GFOD1: variants seen among roughly 807,000 people sequenced by gnomAD.
The protein encoded by GFOD1 is Gfo/Idh/MocA-like oxidoreductase domain containing 1.
A neutral mutation model predicts 25.4 loss-of-function variants in GFOD1; 9 were observed. The ratio of observed to expected loss-of-function variants is 0.35; its 90% confidence interval spans 0.21 to 0.62. The LOEUF (loss-of-function observed/expected upper bound fraction) is 0.62. Among genes scored for constraint, GFOD1 ranks in the 20% least tolerant of loss-of-function variants. GFOD1 has a pLI of 0.72. For missense variants in GFOD1, 403 were observed against 556.9 expected (o/e 0.72, Z 2.78); for synonymous variants, 253 against 245.6 (o/e 1.03, Z -0.28).
At chr6:13,382,659 A>T (rs527987527) in intron 1 of GFOD1, among the ~76,000 whole-genome samples, 28 of 152,100 alleles carry the variant, frequency 1.8e-4, no homozygotes, top group African/African-American at 5.1e-4. Flanking sequence ...ACAGACTTTT[A>T]AAAAAAAATT....
At position 13,365,878 on chromosome 6, in the gene GFOD1, C is replaced by CAATAATAATAATAATAAT. The variant is rs58256557; in HGVS notation, c.254-234_254-217dup. Among the ~76,000 whole-genome samples, 1 of 133,912 alleles carries CAATAATAATAATAATAAT rather than the reference C, an allele frequency of 7.5e-6. No homozygotes were observed. The highest frequency in any genetic ancestry group is 1.6e-5 in the Non-Finnish European group (1 of 63,400). 87.9% of individuals were successfully genotyped at this position (133,912 alleles called of 152,430 possible). A position where few individuals can be genotyped will look rare whatever the true frequency, so the allele number is the denominator to read the frequency against. The stretch of plus-strand genomic sequence containing the variant: ...TGGGTAACACAGAGAGATCCTGTCT[C>CAATAATAATAATAATAAT]AATAATAATAATAATAATAATAATA... On this transcript the variant is annotated intron_variant, in intron 1 of 1. Transcript: ENST00000379287. The surrounding 1 kb of genome is among the most constrained non-coding windows in gnomAD (Gnocchi z 9.2).
intron 1 of GFOD1, among the ~76,000 whole-genome samples, chr6:13,401,676 G>T (rs1049328395): frequency 5.3e-5 from 8 of 152,062 alleles, no homozygotes; most frequent in Non-Finnish European, 1.0e-4. Context: ...AATCAAAGAA[G>T]ATCTTAATCA....
At chr6:13,426,232 T>A (rs1344456918) in intron 1 of GFOD1, among the ~76,000 whole-genome samples, 5 of 152,148 alleles carry the variant, frequency 3.3e-5, no homozygotes, top group East Asian at 1.9e-4. Context: ...TAGGAGGGAG[T>A]TCTGGGCCAA....
intron 1 of GFOD1, among the ~76,000 whole-genome samples, chr6:13,481,919 A>G (rs189968828): frequency 7.6e-4 from 116 of 152,332 alleles, no homozygotes; most frequent in African/African-American, 2.5e-3. Flanking sequence ...TATTCATTAC[A>G]TGGTTGTATA....
chr6:13,396,531 G>A (rs1232978663), intron 1 of GFOD1, among the ~76,000 whole-genome samples: 1 of 152,210 alleles, frequency 6.6e-6, no homozygotes, highest in African/African-American at 2.4e-5. Flanking sequence ...CCGATCCCCA[G>A]AGCCTGTGAA....
intron 1 of GFOD1, among the ~76,000 whole-genome samples, chr6:13,413,994 G>A (rs12528480): frequency 0.052 from 7,866 of 152,314 alleles, 227 homozygotes; most frequent in South Asian, 0.11. Context: ...TTCTACAGAT[G>A]ATGCTTTCCA....
chr6:13,456,775 G>A (rs1758197451), intron 1 of GFOD1, among the ~76,000 whole-genome samples: 1 of 152,176 alleles, frequency 6.6e-6, no homozygotes, highest in South Asian at 2.1e-4. Context: ...GATCTGTCTT[G>A]GGAGCCAGGA....
intron 1 of GFOD1, among the ~76,000 whole-genome samples, chr6:13,436,803 G>T (rs1192588135): frequency 2.0e-5 from 3 of 152,238 alleles, no homozygotes; most frequent in African/African-American, 7.2e-5. Flanking sequence ...ATGAGAAAAT[G>T]ATTGATGAGC....
intron 1 of GFOD1, among the ~76,000 whole-genome samples, chr6:13,462,081 G>A (rs748341704): frequency 1.3e-5 from 2 of 152,210 alleles, no homozygotes; most frequent in Non-Finnish European, 2.9e-5. Context: ...TTCTCCATGT[G>A]CAAGTGAAGA....
chr6:13,443,823 A>AAAAAT (rs1395585830), intron 1 of GFOD1, among the ~76,000 whole-genome samples: 1 of 147,138 alleles, frequency 6.8e-6, no homozygotes, highest in African/African-American at 2.7e-5. Flanking sequence ...TCTTAAAAAA[A>AAAAAT]AAAAAAAAAA....
At chr6:13,485,036 A>G (rs144064253) in intron 1 of GFOD1, among the ~76,000 whole-genome samples, 88 of 152,358 alleles carry the variant, frequency 5.8e-4, no homozygotes, top group Admixed American at 2.2e-3. Flanking sequence ...TCCACCCAAC[A>G]TACATGTTCC....
At chr6:13,478,573 T>C (rs1758679007) in intron 1 of GFOD1, among the ~76,000 whole-genome samples, 1 of 152,212 alleles carries the variant, frequency 6.6e-6, no homozygotes, top group Non-Finnish European at 1.5e-5. Context: ...CTCCGCAGCA[T>C]TTGGTCATGT....
At chr6:13,429,313 C>T (rs766077424) in intron 1 of GFOD1, among the ~76,000 whole-genome samples, 2 of 152,198 alleles carry the variant, frequency 1.3e-5, no homozygotes, top group Non-Finnish European at 2.9e-5. Context: ...GTGGCCCCAA[C>T]GTGAAATAAT....
At chr6:13,383,677 T>C (rs556190082) in intron 1 of GFOD1, among the ~76,000 whole-genome samples, 62 of 152,352 alleles carry the variant, frequency 4.1e-4, no homozygotes, top group African/African-American at 1.4e-3. Context: ...TGGGTTTCTA[T>C]GTAAGCAAAT....
At chr6:13,454,303 C>T (rs1468136804) in intron 1 of GFOD1, among the ~76,000 whole-genome samples, 1 of 152,188 alleles carries the variant, frequency 6.6e-6, no homozygotes, top group African/African-American at 2.4e-5. Flanking sequence ...GTTGTTTAAG[C>T]CACCCAGCTG....
chr6:13,447,946 T>C (rs1457576775), intron 1 of GFOD1, among the ~76,000 whole-genome samples: 1 of 151,742 alleles, frequency 6.6e-6, no homozygotes, highest in Non-Finnish European at 1.5e-5. Flanking sequence ...ACTGGAAGCA[T>C]TGGGCATTAC....
chr6:13,484,998 C>A (rs1368891854), intron 1 of GFOD1, among the ~76,000 whole-genome samples: 1 of 152,130 alleles, frequency 6.6e-6, no homozygotes, highest in African/African-American at 2.4e-5. Context: ...ATTTGATATG[C>A]AAAGAGCCAA....
Position 13,364,944 on chromosome 6 carries a change from G to C in GFOD1, c.972C>G (p.Arg324=). ...RQAFQDQDDR[R]TWDGRPLTMA... ...TGGTGAGGGGCCGCCCATCCCACGTGCGCCGGTCGTCCTGGTCCTGGAAGG... is the reference window on the plus strand; with the variant it reads ...TGGTGAGGGGCCGCCCATCCCACGTCCGCCGGTCGTCCTGGTCCTGGAAGG... The change falls in exon 2 of 2, where the codon CGC becomes CGG. Residue 324 remains arginine, a synonymous_variant. Coordinates refer to ENST00000379287, the MANE Select transcript of GFOD1 (RefSeq NM_018988.4). The surrounding 1 kb of genome is among the most constrained non-coding windows in gnomAD (Gnocchi z 4.1). The C allele has an allele frequency of 3.1e-6, 5 of 1,611,314 alleles. No homozygotes were observed. Among genetic ancestry groups the C allele is most frequent in the Non-Finnish European group, 3.4e-6 (4 of 1,179,876 alleles).
chr6:13,471,835 T>C (rs1257274396), intron 1 of GFOD1: 2 of 152,408 alleles, frequency 1.3e-5, no homozygotes, highest in Non-Finnish European at 2.9e-5. Flanking sequence ...CATGGTCCAA[T>C]ATGGTAGCTA....
Sources: gnomAD v4.1 joint callset for allele counts (sites outside exome capture counted in the v4.1 genomes callset) on GRCh38, gnomAD v4.1.1 for gene constraint, Gnocchi (gnomAD v3.1) non-coding constraint, MANE v1.5 for transcripts, NCBI Gene and HGNC (gene_info 2026-07-23, HGNC 2026-07-21) for gene names.